Variants in GRIK2 observed in about 807,000 individuals in gnomAD.
The protein encoded by GRIK2 is glutamate ionotropic receptor kainate type subunit 2.
A neutral mutation model predicts 100.3 loss-of-function variants in GRIK2; 32 were observed. That is an observed-to-expected ratio of 0.32 (90% CI 0.24 to 0.43). GRIK2 has a LOEUF of 0.43. Among genes scored for constraint, GRIK2 ranks in the 20% least tolerant of loss-of-function variants. The probability of loss-of-function intolerance (pLI) is 1.00; values close to 1 mark genes in which losing one functional copy is unlikely to be tolerated. For synonymous variants in GRIK2, 417 were observed against 389.4 expected (o/e 1.07, Z -0.83); for missense variants, 843 against 1,114.9 (o/e 0.76, Z 3.47).
At chr6:102,051,576 G>A (rs1441082593) in intron 15 of GRIK2, among the ~76,000 whole-genome samples, 1 of 152,046 alleles carries the variant, frequency 6.6e-6, no homozygotes, top group African/African-American at 2.4e-5. Flanking sequence ...TGTTTTAAAT[G>A]TGTGAATTTT....
intron 14 of GRIK2, among the ~76,000 whole-genome samples, chr6:101,936,259 A>G (rs980565317): frequency 1.3e-5 from 2 of 152,070 alleles, no homozygotes; most frequent in Non-Finnish European, 2.9e-5. Context: ...ATATCGCAGT[A>G]AAGATTTTTA....
chr6:101,461,341 G>A lies in GRIK2; in HGVS notation c.115+61949G>A, dbSNP rs1369568385. Among the ~76,000 whole-genome samples, 3 of 152,140 alleles carry A rather than the reference G, an allele frequency of 2.0e-5. No individual in the cohort carries two copies. In the East Asian group the frequency reaches 5.8e-4, roughly 29 times the overall value. ...GACTCTTGGGGAGATAATGTTTTCT[G>A]CTTATTCTAGTTGTTAGTGGCATTC... On this transcript the variant is annotated intron_variant, in intron 2 of 16. Transcript: ENST00000369134.
At chr6:101,580,901 T>C (rs1481876492) in intron 2 of GRIK2, among the ~76,000 whole-genome samples, 1 of 152,144 alleles carries the variant, frequency 6.6e-6, no homozygotes, top group African/African-American at 2.4e-5. Context: ...ATGATTTGCA[T>C]GATCATTCTA....
intron 9 of GRIK2, among the ~76,000 whole-genome samples, chr6:101,808,549 T>G (rs189318866): frequency 6.6e-6 from 1 of 152,134 alleles, no homozygotes; most frequent in East Asian, 1.9e-4. Context: ...TGTTTCTAAG[T>G]ACAGGTGTAA....
chr6:101,394,367 G>C (rs1221578889), intron 1 of GRIK2, among the ~76,000 whole-genome samples: 1 of 152,222 alleles, frequency 6.6e-6, no homozygotes, highest in Non-Finnish European at 1.5e-5. Flanking sequence ...GGAGTGGGCA[G>C]TGTTACCAGG....
chr6:101,802,202 T>TA lies in GRIK2; in HGVS notation c.1096-125dup, dbSNP rs565926782. On this transcript the variant is annotated intron_variant, in intron 8 of 16. Coordinates refer to ENST00000369134, the MANE Select transcript of GRIK2 (RefSeq NM_021956.5). Reference sequence around the variant, plus strand: ...CATTTTTCAAATTTCAGAAGAAAATTAAAATATTTTAAAAATCTCTAGCAA... The same window carrying TA: ...CATTTTTCAAATTTCAGAAGAAAATTAAAAATATTTTAAAAATCTCTAGCAA... The TA allele has an allele frequency of 3.2e-4, 131 of 410,154 alleles. 1 individual carries two copies. The highest frequency in any genetic ancestry group is 2.3e-3 in the African/African-American group (110 of 48,700). 25.4% of individuals were successfully genotyped at this position (410,154 alleles called of 1,614,324 possible).
intron 12 of GRIK2, among the ~76,000 whole-genome samples, chr6:101,918,878 C>T (rs1170257148): frequency 6.6e-6 from 1 of 151,650 alleles, no homozygotes; most frequent in African/African-American, 2.4e-5. Flanking sequence ...CACATTAGTA[C>T]AGCAAAAGAC....
chr6:101,892,064 G>GT (rs1046261616), intron 12 of GRIK2, among the ~76,000 whole-genome samples: 10 of 151,300 alleles, frequency 6.6e-5, no homozygotes, highest in African/African-American at 1.7e-4. Context: ...ATGTACCCTT[G>GT]TTTTTTTTTA....
chr6:101,631,557 C>T (rs912382351), intron 4 of GRIK2, among the ~76,000 whole-genome samples: 1 of 152,076 alleles, frequency 6.6e-6, no homozygotes, highest in Non-Finnish European at 1.5e-5. Context: ...TCTGTGTGTC[C>T]CAAAGGAAAC....
At chr6:101,469,360 G>A (rs890133376) in intron 2 of GRIK2, among the ~76,000 whole-genome samples, 3 of 152,092 alleles carry the variant, frequency 2.0e-5, no homozygotes, top group South Asian at 4.1e-4. Context: ...ACCCATGCTA[G>A]TGAAAGGAAA....
At chr6:101,738,293 A>C (rs1291558504) in intron 7 of GRIK2, among the ~76,000 whole-genome samples, 1 of 143,874 alleles carries the variant, frequency 7.0e-6, no homozygotes, top group Non-Finnish European at 1.5e-5. Context: ...GTCAATTGTA[A>C]TTGTAATTGT....
intron 14 of GRIK2, among the ~76,000 whole-genome samples, chr6:101,979,200 CAG>C (rs1158228079): frequency 5.9e-5 from 9 of 151,834 alleles, no homozygotes; most frequent in African/African-American, 2.2e-4. Flanking sequence ...AAGTAGTAGT[CAG>C]AGAGTGGACT....
intron 7 of GRIK2, among the ~76,000 whole-genome samples, chr6:101,700,783 A>G (rs1303641270): frequency 1.3e-5 from 2 of 152,130 alleles, no homozygotes; most frequent in East Asian, 3.9e-4. Context: ...GTGTGAATGC[A>G]TAAGACACAC....
intron 14 of GRIK2, among the ~76,000 whole-genome samples, chr6:101,973,458 A>C (rs1316918792): frequency 2.0e-5 from 3 of 151,930 alleles, no homozygotes; most frequent in Admixed American, 6.6e-5. Flanking sequence ...AGACACATTA[A>C]AACTTATAAT....
At chr6:102,022,836 T>C (rs1582740343) in intron 14 of GRIK2, among the ~76,000 whole-genome samples, 1 of 151,800 alleles carries the variant, frequency 6.6e-6, no homozygotes, top group East Asian at 1.9e-4. Flanking sequence ...CATCAGTTAT[T>C]ATTTTCTTTT....
chr6:101,397,290 A>C (rs1775049030), intron 1 of GRIK2, among the ~76,000 whole-genome samples: 1 of 152,214 alleles, frequency 6.6e-6, no homozygotes, highest in South Asian at 2.1e-4. Context: ...TAGGATCAAA[A>C]AGAAAATGAA....
At chr6:101,428,458 C>T (rs1037427181) in intron 2 of GRIK2, among the ~76,000 whole-genome samples, 2 of 152,128 alleles carry the variant, frequency 1.3e-5, no homozygotes, top group African/African-American at 4.8e-5. Flanking sequence ...GGTCATTTAA[C>T]ATTTGTGATA....
intron 2 of GRIK2, among the ~76,000 whole-genome samples, chr6:101,427,180 G>A (rs967188847): frequency 2.6e-5 from 4 of 152,160 alleles, no homozygotes; most frequent in African/African-American, 9.7e-5. Context: ...AACTTCTACA[G>A]CTGAACCAAG....
At chr6:101,871,637 TC>T (rs1371000384) in intron 11 of GRIK2, among the ~76,000 whole-genome samples, 2 of 152,014 alleles carry the variant, frequency 1.3e-5, no homozygotes, top group Non-Finnish European at 1.5e-5. Context: ...TATTTGGTTT[TC>T]TTTTTTGGCC....
Sources: gnomAD v4.1 joint callset for allele counts (sites outside exome capture counted in the v4.1 genomes callset) on GRCh38, gnomAD v4.1.1 for gene constraint, MANE v1.5 for transcripts, NCBI Gene and HGNC (gene_info 2026-07-23, HGNC 2026-07-21) for gene names.